Variants in CLVS1 observed in about 807,000 individuals in gnomAD.
The protein encoded by CLVS1 is clavesin-1.
Under a neutral mutation model 33.1 loss-of-function variants are expected in CLVS1, and 10 were observed. The observed-to-expected ratio is 0.30, with a 90% CI of 0.19 to 0.51. CLVS1 has a LOEUF of 0.51. Among genes scored for constraint, CLVS1 ranks in the 20% least tolerant of loss-of-function variants. CLVS1 has a pLI of 0.97. For missense variants in CLVS1, 343 were observed against 433.4 expected, an observed-to-expected ratio of 0.79 and a Z score of 1.85; for synonymous variants, 163 against 166.1, an observed-to-expected ratio of 0.98 and a Z score of 0.14.
At chr8:61,332,374 G>T (rs1811631929) in intron 2 of CLVS1, among the ~76,000 whole-genome samples, 2 of 152,206 alleles carry the variant, frequency 1.3e-5, no homozygotes, top group Non-Finnish European at 2.9e-5. Context: ...TGTGTTAGTT[G>T]CTTGTCTCTG....
intron 3 of CLVS1, among the ~76,000 whole-genome samples, chr8:61,387,113 C>T (rs769726188): frequency 2.0e-5 from 3 of 152,146 alleles, no homozygotes; most frequent in African/African-American, 2.4e-5. Context: ...TAAGACTGGG[C>T]GTGGTGGCTC....
intron 3 of CLVS1, among the ~76,000 whole-genome samples, chr8:61,390,193 A>T (rs1814248866): frequency 6.6e-6 from 1 of 152,168 alleles, no homozygotes; most frequent in South Asian, 2.1e-4. Context: ...ACCCAATTCT[A>T]CTCAGAAATA....
intron 2 of CLVS1, among the ~76,000 whole-genome samples, chr8:61,230,757 A>G (rs899116626): frequency 5.9e-5 from 9 of 152,198 alleles, no homozygotes; most frequent in African/African-American, 1.9e-4. Context: ...CAAAAATACC[A>G]TAAACTAGGT....
the CLVS1 span, among the ~76,000 whole-genome samples, chr8:60,975,301 C>A: frequency 6.6e-6 from 1 of 152,136 alleles, no homozygotes; most frequent in Non-Finnish European, 1.5e-5. Flanking sequence ...GGCACTGATG[C>A]AAGACAAAAT....
At chr8:61,122,837 C>A (rs1025718143) in intron 1 of CLVS1, among the ~76,000 whole-genome samples, 2 of 146,118 alleles carry the variant, frequency 1.4e-5, no homozygotes, top group African/African-American at 5.0e-5. Flanking sequence ...TGAAAAAGGA[C>A]ACTCAACTCT....
chr8:61,155,139 A>C (rs1389621644), intron 2 of CLVS1, among the ~76,000 whole-genome samples: 1 of 152,226 alleles, frequency 6.6e-6, no homozygotes, highest in Admixed American at 6.5e-5. Flanking sequence ...CATGTTAAGT[A>C]CATGAAGGAT....
At chr8:61,478,931 A>G (rs1311657572) in intron 5 of CLVS1, among the ~76,000 whole-genome samples, 1 of 152,206 alleles carries the variant, frequency 6.6e-6, no homozygotes, top group South Asian at 2.1e-4. Flanking sequence ...TGGCTTGTAT[A>G]GTTTCTGCCA....
At chr8:61,034,369 C>A in the CLVS1 span, among the ~76,000 whole-genome samples, 6 of 79,554 alleles carry the variant, frequency 7.5e-5, no homozygotes, top group South Asian at 8.6e-4. Flanking sequence ...AAATACTTAT[C>A]ATTTTTTTTT....
chr8:61,222,880 G>A (rs1808246949), intron 2 of CLVS1, among the ~76,000 whole-genome samples: 1 of 150,994 alleles, frequency 6.6e-6, no homozygotes, highest in South Asian at 2.1e-4. Flanking sequence ...AGGATAGTTA[G>A]CTCTTTTTGT....
Position 61,499,560 on chromosome 8 carries a change from T to C in CLVS1, c.*18T>C. 1.2e-6 allele frequency: 2 copies of C among 1,600,240 alleles called. No homozygotes were observed. Among genetic ancestry groups the C allele is most frequent in the Non-Finnish European group, 1.7e-6 (2 of 1,167,682 alleles). On this transcript the variant is annotated 3_prime_UTR_variant, in exon 6 of 6. Transcript: ENST00000325897. ...TGGACTGAACCCTGAGTCACCCCAA[T>C]GCTCCTGCACACTGGCCTTCAGTGG...
At chr8:61,365,780 T>C (rs558115686) in intron 2 of CLVS1, among the ~76,000 whole-genome samples, 1,484 of 134,914 alleles carry the variant, frequency 0.011, 8 homozygotes, top group Non-Finnish European at 0.016. Context: ...TGTGTGCGTG[T>C]GTGTGTGTGT....
chr8:61,409,878 T>G (rs1330132277), intron 3 of CLVS1, among the ~76,000 whole-genome samples: 4 of 152,198 alleles, frequency 2.6e-5, no homozygotes, highest in Admixed American at 2.6e-4. Flanking sequence ...TAATTATGAT[T>G]GAGATGGATC....
At chr8:61,099,499 T>C (rs1805410208) in intron 1 of CLVS1, among the ~76,000 whole-genome samples, 1 of 152,200 alleles carries the variant, frequency 6.6e-6, no homozygotes. Context: ...GTAATACTCA[T>C]CTTGCAGGAG....
chr8:61,291,621 A>C (rs1032143331), intron 1 of CLVS1, among the ~76,000 whole-genome samples: 7 of 152,138 alleles, frequency 4.6e-5, no homozygotes, highest in Non-Finnish European at 1.0e-4. Context: ...AAATTAAAAC[A>C]AAATAAACAA....
chr8:61,423,493 C>G (rs890168173), intron 3 of CLVS1, among the ~76,000 whole-genome samples: 4 of 152,154 alleles, frequency 2.6e-5, no homozygotes, highest in Non-Finnish European at 5.9e-5. Flanking sequence ...CACCTGCTTT[C>G]CTTTTCTCAC....
At chr8:61,139,818 C>A (rs1485829202) in intron 2 of CLVS1, among the ~76,000 whole-genome samples, 1 of 152,126 alleles carries the variant, frequency 6.6e-6, no homozygotes, top group Admixed American at 6.5e-5. Context: ...TGCGGCCCCG[C>A]CATTCTCCTT....
chr8:61,300,494 A>G, intron 2 of CLVS1: 1 of 491,246 alleles, frequency 2.0e-6, no homozygotes, highest in Non-Finnish European at 3.6e-6. Context: ...AAGAGACCTT[A>G]GAAGTCATTA....
intron 2 of CLVS1, among the ~76,000 whole-genome samples, chr8:61,154,185 A>C (rs1806603544): frequency 6.6e-6 from 1 of 151,792 alleles, no homozygotes. Context: ...TCACACTATT[A>C]ATATGAAACC....
At chr8:61,300,510 T>C in intron 2 of CLVS1, 2 of 432,298 alleles carry the variant, frequency 4.6e-6, no homozygotes, top group Non-Finnish European at 8.2e-6. Flanking sequence ...CATTATTCTT[T>C]TCATCAAAGT....
Sources: allele counts gnomAD v4.1 joint callset (sites outside exome capture counted in the v4.1 genomes callset), GRCh38; gene constraint gnomAD v4.1.1; transcripts MANE v1.5; gene names NCBI Gene and HGNC (gene_info 2026-07-23, HGNC 2026-07-21).